Variants in SLC35B2 observed in about 807,000 individuals in gnomAD.
SLC35B2 encodes the protein adenosine 3'-phospho 5'-phosphosulfate transporter 1.
A neutral mutation model predicts 37.9 loss-of-function variants in SLC35B2; 19 were observed. That is an observed-to-expected ratio of 0.50 (90% confidence interval 0.35 to 0.74). The LOEUF (loss-of-function observed/expected upper bound fraction) is 0.74. Among genes scored for constraint, SLC35B2 ranks in the 30% least tolerant of loss-of-function variants. The pLI, the probability that SLC35B2 is intolerant of heterozygous loss-of-function variation, is 0.01. For synonymous variants in SLC35B2, 277 were observed against 225.2 expected (o/e 1.23, Z -2.06); for missense variants, 633 against 547.6 (o/e 1.16, Z -1.56).
Position 44,255,081 on chromosome 6 carries a change from G to A in SLC35B2, c.924C>T (p.Phe308=), listed in dbSNP as rs996708251. 1.2e-6 allele frequency: 2 copies of A among 1,614,074 alleles called. No individual in the cohort carries two copies. The highest frequency in any genetic ancestry group is 1.7e-6 in the Non-Finnish European group (2 of 1,180,040). The change falls in exon 4 of 4, where the codon TTC becomes TTT. Residue 308 remains phenylalanine, a synonymous_variant. Coordinates refer to ENST00000393812, the MANE Select transcript of SLC35B2 (RefSeq NM_178148.4). ...AGCCCACTGTGAAGAGGCAGGAGAA[G>A]AAATTGACCCCAAACATCATCTGCA... ...SSVQMMFGVN[F]FSCLFTVGSL...
At chr6:44,257,570 C>T (rs990344392), upstream of SLC35B2, 6 of 578,774 alleles carry the variant, frequency 1.0e-5, no homozygotes, top group African/African-American at 1.0e-4. Context: ...CCCCTCCGCC[C>T]CTGCCGCGAC....
In SLC35B2 at chr6:44,254,543, G is replaced by T. The variant is rs1781155761; in HGVS notation, c.*163C>A. The stretch of plus-strand genomic sequence containing the variant: ...AAGATGGGTGACTTAAGGCAAAAGG[G>T]AAGGCTGCCTCCTGGGCTCCCCAAT... On this transcript the variant is annotated 3_prime_UTR_variant, in exon 4 of 4. Transcript: ENST00000393812. The T allele has an allele frequency of 2.6e-6, 2 of 783,744 alleles. No homozygotes were observed. The highest frequency in any genetic ancestry group is 1.9e-5 in the South Asian group (1 of 52,704). 48.5% of individuals were successfully genotyped at this position (783,744 alleles called of 1,614,324 possible).
At position 44,254,226 on chromosome 6, in the gene SLC35B2, G is replaced by GGT. The variant is rs1403238914; in HGVS notation, c.*478_*479dup. 5.0e-6 allele frequency: 1 copy of GGT among 201,644 alleles called. No individual in the cohort carries two copies. Among genetic ancestry groups the GGT allele is most frequent in the Non-Finnish European group, 1.0e-5 (1 of 97,046 alleles). The allele number at this position is 201,644 out of a possible 1,614,324, so 12.5% of individuals were successfully genotyped here. A position where few individuals can be genotyped will look rare whatever the true frequency, so the allele number is the denominator to read the frequency against. ...GGGATCCAGGAGCATAGGAGGTGGT[G>GGT]GTGCTGGGCAGGGCTCTGCATCCCC... On this transcript the variant is annotated 3_prime_UTR_variant, in exon 4 of 4. Coordinates refer to ENST00000393812, the MANE Select transcript of SLC35B2 (RefSeq NM_178148.4).
intron 1 of SLC35B2, chr6:44,257,164 C>A: frequency 2.0e-6 from 1 of 507,030 alleles, no homozygotes; most frequent in Non-Finnish European, 3.3e-6. Flanking sequence ...GAGGAAGCGC[C>A]CCTTCCCCCA....
rs1396623514 is a variant in SLC35B2, at chr6:44,255,340, G to A, written c.665C>T (p.Pro222Leu). The A allele has an allele frequency of 6.2e-7, 1 of 1,614,232 alleles. No homozygotes were observed. The highest frequency in any genetic ancestry group is 1.7e-5 in the Admixed American group (1 of 60,030). Residue 222 changes from proline to leucine, a missense_variant, in exon 4 of 4, where the codon CCT becomes CTT. Physicochemically the swap from Pro to Leu is moderately conservative, Grantham distance 98. Transcript: ENST00000393812. ...QVLAKASKVIPVMLMGKLVSR... is the reference protein window; with the variant it reads ...QVLAKASKVILVMLMGKLVSR... ...CACAAGCTTTCCCATCAGCATGACA[G>A]GGATCACCTTAGAGGCCTTGGCCAG... is the stretch of plus-strand genomic sequence containing the variant.
upstream of SLC35B2, chr6:44,257,551 C>T (rs1781707187): frequency 2.6e-6 from 2 of 769,304 alleles, no homozygotes; most frequent in South Asian, 6.4e-5. Context: ...CCGCCTCCCT[C>T]CCCGCGGCCC....
At chr6:44,256,937 G>T (rs1466351741) in intron 1 of SLC35B2, 59 bp from the exon 2 acceptor site, 5 of 1,532,244 alleles carry the variant, frequency 3.3e-6, no homozygotes, top group Non-Finnish European at 4.4e-6. Flanking sequence ...CCGCCCTCCA[G>T]AGGGGACCAC....
At chr6:44,256,541 ACTTCAT>A (rs2153327889) in intron 2 of SLC35B2, 45 bp from the exon 3 acceptor site, 1 of 1,613,558 alleles carries the variant, frequency 6.2e-7, no homozygotes, top group East Asian at 2.2e-5. Context: ...TCTCCATAGC[ACTTCAT>A]CTTCCCCAGA....
intron 1 of SLC35B2, 138 bp from the exon 2 acceptor site, chr6:44,257,016 TC>T: frequency 1.6e-6 from 1 of 636,294 alleles, no homozygotes; most frequent in African/African-American, 1.9e-5. Context: ...AAAGAGCCTC[TC>T]TCTCTCTCTC....
Position 44,254,748 on chromosome 6 carries a change from T to A in SLC35B2, c.1257A>T (p.Gly419=), listed in dbSNP as rs532752079. Residue 419 remains glycine (G), a synonymous_variant, in exon 4 of 4, where the codon GGA becomes GGT. Coordinates refer to ENST00000393812, the MANE Select transcript of SLC35B2 (RefSeq NM_178148.4). ...GAGACTCAACAGGCACAGCCTTCTTTCCCCGTTGCTTTAGACGGCCCCGCG... is the reference window on the plus strand; with the variant it reads ...GAGACTCAACAGGCACAGCCTTCTTACCCCGTTGCTTTAGACGGCCCCGCG... ...VYARGRLKQR[G]KKAVPVESPV... 3.1e-6 allele frequency: 5 copies of A among 1,613,856 alleles called. No homozygotes were observed. In the Admixed American group the frequency reaches 5.0e-5, roughly 16 times the overall value.
In SLC35B2 at chr6:44,254,971, G is replaced by A; in HGVS notation, c.1034C>T (p.Ser345Phe). ...SEFAAHALLL[S>F]ICSACGQLFI... ...GAGCTGGCCACATGCGGAGCAGATG[G>A]AGAGTAGCAGGGCATGGGCAGCAAA... Residue 345 changes from serine (S) to phenylalanine (F), a missense_variant, in exon 4 of 4, where the codon TCC (serine) becomes TTC (phenylalanine). Coordinates refer to ENST00000393812, the MANE Select transcript of SLC35B2 (RefSeq NM_178148.4). 1.9e-6 allele frequency: 3 copies of A among 1,614,208 alleles called. No individual in the cohort carries two copies. The highest frequency in any genetic ancestry group is 1.3e-5 in the African/African-American group (1 of 75,054).
rs568621885 is a variant in SLC35B2 at position 44,256,208 on chromosome 6, G to A, written c.360+134C>T. On this transcript the variant is annotated intron_variant, in intron 3 of 3. Coordinates refer to ENST00000393812, the MANE Select transcript of SLC35B2 (RefSeq NM_178148.4). ...CCCCAAACACCTCAAAGATGGAGGTGCAGTGTGCCCCTGGGAGGAGGACAC... is the reference window on the plus strand; with the variant it reads ...CCCCAAACACCTCAAAGATGGAGGTACAGTGTGCCCCTGGGAGGAGGACAC... 3 of 1,114,410 alleles carry A rather than the reference G, an allele frequency of 2.7e-6. No individual in the cohort carries two copies. In the African/African-American group the frequency reaches 4.7e-5, roughly 17 times the overall value. 69.0% of individuals were successfully genotyped at this position (1,114,410 alleles called of 1,614,324 possible). A position where few individuals can be genotyped will look rare whatever the true frequency, so the allele number is the denominator to read the frequency against.
intron 3 of SLC35B2, 122 bp downstream of exon 3, chr6:44,256,220 T>C: frequency 2.3e-6 from 3 of 1,300,328 alleles, no homozygotes; most frequent in South Asian, 2.9e-5. Flanking sequence ...AGTGTGCCCC[T>C]GGGAGGAGGA....
intron 2 of SLC35B2, 24 bp from the exon 3 acceptor site, chr6:44,256,520 G>A (rs1330164053): frequency 7.4e-6 from 12 of 1,613,994 alleles, no homozygotes; most frequent in Non-Finnish European, 1.0e-5. Flanking sequence ...ACAAAGTCAA[G>A]CCCCAAATCT....
Position 44,254,206 on chromosome 6 carries a change from C to G in SLC35B2, c.*500G>C. On this transcript the variant is annotated 3_prime_UTR_variant, in exon 4 of 4. Transcript: ENST00000393812. ...GGCTCATGGAACAGAGCCTAGGGAT[C>G]CAGGAGCATAGGAGGTGGTGGTGCT... The G allele has an allele frequency of 4.9e-6, 1 of 205,246 alleles. No individual in the cohort carries two copies. Among genetic ancestry groups the G allele is most frequent in the South Asian group, 8.0e-5 (1 of 12,498 alleles). 12.7% of individuals were successfully genotyped at this position (205,246 alleles called of 1,614,324 possible).
rs1259314897 is a variant in SLC35B2, at chr6:44,257,420, C to T, written c.-10G>A. The T allele has an allele frequency of 1.6e-6, 2 of 1,263,378 alleles. No individual in the cohort carries two copies. Among genetic ancestry groups the T allele is most frequent in the African/African-American group, 1.5e-5 (1 of 64,826 alleles). 78.3% of individuals were successfully genotyped at this position (1,263,378 alleles called of 1,614,324 possible). A position where few individuals can be genotyped will look rare whatever the true frequency, so the allele number is the denominator to read the frequency against. ...CCCACCTGGCGTCCATGGTCCAGGC[C>T]GCGTGGGGTGGAGGGGGAACCGGGG... On this transcript the variant is annotated 5_prime_UTR_variant, in exon 1 of 4. Coordinates refer to ENST00000393812, the MANE Select transcript of SLC35B2 (RefSeq NM_178148.4).
chr6:44,256,347 G>C lies in SLC35B2; in HGVS notation c.355C>G (p.Leu119Val). Residue 119 changes from leucine to valine, a missense_variant, in exon 3 of 4, where the codon CTC becomes GTC. Transcript: ENST00000393812. Reference protein sequence around the residue: ...ALKLLFCATGLQVSYLTWGVL... With the variant: ...ALKLLFCATGVQVSYLTWGVL... Reference sequence around the variant, plus strand: ...GGCTGAGCCCACCTACCCACCTGGAGCCCTGTGGCACAGAAGAGCAGCTTC... The same window carrying C: ...GGCTGAGCCCACCTACCCACCTGGACCCCTGTGGCACAGAAGAGCAGCTTC... 6.2e-7 allele frequency: 1 copy of C among 1,609,882 alleles called. No individual in the cohort carries two copies.
At chr6:44,256,149 G>A (rs1430078304) in intron 3 of SLC35B2, among the ~76,000 whole-genome samples, 193 bp downstream of exon 3, 5 of 150,974 alleles carry the variant, frequency 3.3e-5, no homozygotes, top group Non-Finnish European at 7.4e-5. Context: ...ACCAGTGCTG[G>A]AGAGGAGAAA....
intron 1 of SLC35B2, 199 bp from the exon 2 acceptor site, chr6:44,257,077 T>G: frequency 1.6e-6 from 1 of 641,864 alleles, no homozygotes; most frequent in Non-Finnish European, 2.5e-6. Flanking sequence ...GCTTCCTCCC[T>G]CCCCGGGGGC....
Sources: allele counts gnomAD v4.1 joint callset (sites outside exome capture counted in the v4.1 genomes callset), GRCh38; gene constraint gnomAD v4.1.1; transcripts MANE v1.5; gene names NCBI Gene and HGNC (gene_info 2026-07-23, HGNC 2026-07-21).